The following ATP10A variants were observed in gnomAD, a reference collection of about 807,000 sequenced individuals.
ATP10A encodes the protein phospholipid-transporting ATPase VA.
ATP10A carries 111 observed loss-of-function variants against 147.8 expected under a neutral mutation model. The ratio of observed to expected loss-of-function variants is 0.75; its 90% CI spans 0.64 to 0.88. ATP10A has a LOEUF of 0.88. Ranked by LOEUF, ATP10A falls within the 40% of genes least tolerant of loss-of-function variation. The pLI is 0.00. For synonymous variants in ATP10A, 875 were observed against 841.6 expected, an observed-to-expected ratio of 1.04 and a Z score of -0.69; for missense variants, 1,927 against 1,959.0, an observed-to-expected ratio of 0.98 and a Z score of 0.31.
At chr15:25,711,798 C>T (rs151198239) in intron 10 of ATP10A, among the ~76,000 whole-genome samples, 2 of 152,338 alleles carry the variant, frequency 1.3e-5, no homozygotes, top group South Asian at 2.1e-4. Flanking sequence ...AGCAAAGCCA[C>T]GCTGACGATG....
intron 2 of ATP10A, among the ~76,000 whole-genome samples, chr15:25,757,149 A>G (rs1157319457): frequency 6.6e-6 from 1 of 152,232 alleles, no homozygotes; most frequent in East Asian, 1.9e-4. Flanking sequence ...CATCATTAAC[A>G]ATAAGTAAAA....
intron 2 of ATP10A, among the ~76,000 whole-genome samples, chr15:25,742,434 CT>C (rs1050886457): frequency 6.6e-5 from 10 of 152,216 alleles, no homozygotes; most frequent in African/African-American, 2.4e-4. Context: ...CAGCTTTTCC[CT>C]TGTTAAATTC....
At chr15:25,817,977 A>C (rs772910278) in intron 1 of ATP10A, among the ~76,000 whole-genome samples, 3 of 151,180 alleles carry the variant, frequency 2.0e-5, no homozygotes, top group African/African-American at 4.9e-5. Context: ...ATTCTAGTTA[A>C]TTTTTGGCTG....
intron 1 of ATP10A, among the ~76,000 whole-genome samples, chr15:25,850,704 C>G (rs1385329434): frequency 6.6e-6 from 1 of 151,806 alleles, no homozygotes; most frequent in Non-Finnish European, 1.5e-5. Context: ...GCCCACCACC[C>G]CCCAAGACCT....
intron 1 of ATP10A, among the ~76,000 whole-genome samples, chr15:25,790,270 A>G (rs7359165): frequency 0.66 from 100,029 of 152,144 alleles, 33,258 homozygotes; most frequent in African/African-American, 0.76. Context: ...CCAAAAATAC[A>G]GTAGTGTAGA....
rs778458203 is a variant in ATP10A at position 25,727,151 on chromosome 15, C to T, written c.847+9G>A. On this transcript the variant is annotated intron_variant, in intron 4 of 20. Coordinates refer to ENST00000555815, the MANE Select transcript of ATP10A (RefSeq NM_024490.4). ...CTGGCGGCAGGTGGTGCCAGGTGCCCGAGCCTACCTGCGTAGATGACAATG... is the reference window on the plus strand; with the variant it reads ...CTGGCGGCAGGTGGTGCCAGGTGCCTGAGCCTACCTGCGTAGATGACAATG... 1.2e-5 allele frequency: 19 copies of T among 1,610,768 alleles called. No homozygotes were observed. Among genetic ancestry groups the T allele is most frequent in the Admixed American group, 1.7e-5 (1 of 60,022 alleles).
At chr15:25,855,077 A>AAAC (rs1555481749) in intron 1 of ATP10A, among the ~76,000 whole-genome samples, 2 of 150,664 alleles carry the variant, frequency 1.3e-5, no homozygotes, top group African/African-American at 4.9e-5. Context: ...AAAAAAAAAA[A>AAAC]CAGAAAAAAA....
intron 1 of ATP10A, among the ~76,000 whole-genome samples, chr15:25,858,519 A>AAGCTCACCTTCTCATCTGCTC (rs1893616997): frequency 6.6e-6 from 1 of 152,116 alleles, no homozygotes; most frequent in South Asian, 2.1e-4. Flanking sequence ...GTTGAGTGAG[A>AAGCTCACCTTCTCATCTGCTC]AGCTCACCTT....
intron 3 of ATP10A, 50 bp from the exon 4 acceptor site, chr15:25,727,316 A>C (rs776441350): frequency 1.4e-6 from 2 of 1,458,034 alleles, no homozygotes; most frequent in South Asian, 1.1e-5. Flanking sequence ...CCTGTGCCTC[A>C]TGTCTGGAGC....
intron 16 of ATP10A, among the ~76,000 whole-genome samples, chr15:25,685,869 A>C (rs1899685859): frequency 6.6e-6 from 1 of 151,734 alleles, no homozygotes; most frequent in Non-Finnish European, 1.5e-5. Context: ...AACTTGCTCA[A>C]GAACCCACAG....
rs200650798 is a variant in ATP10A, at chr15:25,727,280, G to T, written c.741-14C>A. ...TTGTCATGTATGCTGTAGAGGGACA[G>T]TTGGCACATGTCACGTGGTTGCAGG... is the stretch of plus-strand genomic sequence containing the variant. On this transcript the variant is annotated splice_polypyrimidine_tract_variant and intron_variant, in intron 3 of 20. Transcript: ENST00000555815. 2.2e-3 allele frequency: 3,449 copies of T among 1,601,042 alleles called. 9 individuals carry two copies. The highest frequency in any genetic ancestry group is 2.7e-3 in the Non-Finnish European group (3,112 of 1,168,120).
intron 2 of ATP10A, among the ~76,000 whole-genome samples, chr15:25,765,702 C>T (rs1013340660): frequency 6.6e-6 from 1 of 152,230 alleles, no homozygotes; most frequent in African/African-American, 2.4e-5. Flanking sequence ...CACCTTAATT[C>T]TTCCAGCTCT....
chr15:25,711,713 T>G (rs1901432919), intron 10 of ATP10A, among the ~76,000 whole-genome samples: 1 of 152,180 alleles, frequency 6.6e-6, no homozygotes, highest in East Asian at 1.9e-4. Flanking sequence ...GGCCCTTCCA[T>G]GATGCCATGG....
intron 1 of ATP10A, among the ~76,000 whole-genome samples, chr15:25,787,977 G>A (rs1386259024): frequency 6.6e-6 from 1 of 152,152 alleles, no homozygotes; most frequent in Non-Finnish European, 1.5e-5. Flanking sequence ...GGCTAAACAA[G>A]CCACTGAGAG....
chr15:25,764,561 G>T (rs960080033), intron 2 of ATP10A, among the ~76,000 whole-genome samples: 1 of 152,190 alleles, frequency 6.6e-6, no homozygotes, highest in Non-Finnish European at 1.5e-5. Context: ...GAAGGTGGCT[G>T]TCTGCAGGCC....
intron 1 of ATP10A, among the ~76,000 whole-genome samples, chr15:25,816,929 G>T (rs1304367395): frequency 6.6e-6 from 1 of 151,750 alleles, no homozygotes; most frequent in Non-Finnish European, 1.5e-5. Flanking sequence ...TTACACTCTT[G>T]GCTATAAACG....
chr15:25,705,440 C>CACAAAAAAAAAAA (rs1900919293), intron 12 of ATP10A, among the ~76,000 whole-genome samples: 1 of 86,222 alleles, frequency 1.2e-5, no homozygotes, highest in Non-Finnish European at 2.2e-5. Flanking sequence ...TGTCTCAAAG[C>CACAAAAAAAAAAA]AAAAAAAAAA....
chr15:25,846,801 A>G (rs1893043304), intron 1 of ATP10A, among the ~76,000 whole-genome samples: 1 of 152,208 alleles, frequency 6.6e-6, no homozygotes. Flanking sequence ...GAGTGCAGAA[A>G]AACACTACCA....
intron 2 of ATP10A, among the ~76,000 whole-genome samples, chr15:25,747,287 CAAAAAAA>C (rs34660034): frequency 2.6e-5 from 3 of 113,248 alleles, no homozygotes; most frequent in East Asian, 2.4e-4. Flanking sequence ...AACTCCATCT[CAAAAAAA>C]AAAAAAAAAA....
Sources: gnomAD v4.1 joint callset for allele counts (sites outside exome capture counted in the v4.1 genomes callset) on GRCh38, gnomAD v4.1.1 for gene constraint, MANE v1.5 for transcripts, NCBI Gene and HGNC (gene_info 2026-07-23, HGNC 2026-07-21) for gene names.